AIF1L: variants seen among roughly 807,000 people sequenced by gnomAD.
AIF1L encodes allograft inflammatory factor 1-like.
AIF1L carries 12 observed loss-of-function variants against 20.7 expected under a neutral mutation model. The observed-to-expected ratio is 0.58, with a 90% CI of 0.37 to 0.94. The LOEUF (loss-of-function observed/expected upper bound fraction) is 0.94, where lower values mean the gene tolerates loss of function less well. Ranked by LOEUF, AIF1L falls within the 40% of genes least tolerant of loss-of-function variation. AIF1L has a pLI of 0.01. For synonymous variants in AIF1L, 76 were observed against 65.1 expected, an observed-to-expected ratio of 1.17 and a Z score of -0.81; for missense variants, 173 against 185.3, an observed-to-expected ratio of 0.93 and a Z score of 0.39.
intron 2 of AIF1L, among the ~76,000 whole-genome samples, chr9:131,102,381 T>C (rs1201891897): frequency 6.6e-6 from 1 of 152,204 alleles, no homozygotes; most frequent in Non-Finnish European, 1.5e-5. Context: ...TTTTTTCCTA[T>C]GTACCTGGCA....
rs559292534 is a variant in AIF1L at position 131,112,043 on chromosome 9, C to A, written c.160+380C>A. 39 of 223,286 alleles carry A rather than the reference C, an allele frequency of 1.7e-4. 1 individual carries two copies. In the South Asian group the frequency reaches 2.6e-3, roughly 15 times the overall value. 13.8% of individuals were successfully genotyped at this position (223,286 alleles called of 1,614,324 possible). On this transcript the variant is annotated intron_variant, in intron 3 of 5. Coordinates refer to ENST00000247291, the MANE Select transcript of AIF1L (RefSeq NM_031426.4). ...TTGCCTCTCCCCCTCCCCAGCAGAGCGTCTCAGGAGCCCCTGCGGAGAATG... is the reference window on the plus strand; with the variant it reads ...TTGCCTCTCCCCCTCCCCAGCAGAGAGTCTCAGGAGCCCCTGCGGAGAATG...
At position 131,102,802 on chromosome 9, in the gene AIF1L, C is replaced by A. The variant is rs1273605692; in HGVS notation, c.93+5939C>A. On this transcript the variant is annotated intron_variant, in intron 2 of 5. Transcript: ENST00000247291. ...TGGCCCTTTAAGAGCCTGTGGGCTG[C>A]GTCAGAGGTCCTACGCCCCGGCATG... 3 of 436,208 alleles carry A rather than the reference C, an allele frequency of 6.9e-6. No individual in the cohort carries two copies. The Admixed American group carries it at 7.4e-5, about 11-fold the overall frequency. 27.0% of individuals were successfully genotyped at this position (436,208 alleles called of 1,614,324 possible). A position where few individuals can be genotyped will look rare whatever the true frequency, so the allele number is the denominator to read the frequency against.
intron 3 of AIF1L, among the ~76,000 whole-genome samples, chr9:131,113,306 CGGCCAACAT>C (rs759599714): frequency 1.3e-5 from 2 of 151,552 alleles, no homozygotes; most frequent in Non-Finnish European, 2.9e-5. Flanking sequence ...AAGACCAGCC[CGGCCAACAT>C]GGCGAAACCC....
intron 2 of AIF1L, among the ~76,000 whole-genome samples, chr9:131,101,256 C>T (rs192036554): frequency 6.6e-6 from 1 of 152,294 alleles, no homozygotes; most frequent in Admixed American, 6.5e-5. Flanking sequence ...CACAGATTGA[C>T]ATTCATCATC....
Position 131,122,864 on chromosome 9 carries a change from G to A in AIF1L, c.*2542G>A, listed in dbSNP as rs961948496. The A allele has an allele frequency of 3.3e-5, 5 of 152,342 alleles. No homozygotes were observed. 9.4% of individuals were successfully genotyped at this position (152,342 alleles called of 1,614,324 possible). On this transcript the variant is annotated 3_prime_UTR_variant, in exon 6 of 6. Transcript: ENST00000247291. ...GAGTTGTCCCTGGAAGGAGGGCGGG[G>A]GCAGTCTGCATCTATTTCAGGTTGT...
At chr9:131,112,071 C>G (rs1027769257) in intron 3 of AIF1L, 13 of 182,992 alleles carry the variant, frequency 7.1e-5, no homozygotes, top group Admixed American at 6.7e-4. Context: ...GGAGAATGGA[C>G]GTTTGTGTCA....
chr9:131,120,948 G>C lies in AIF1L; in HGVS notation c.*626G>C. On this transcript the variant is annotated 3_prime_UTR_variant, in exon 6 of 6. Coordinates refer to ENST00000247291, the MANE Select transcript of AIF1L (RefSeq NM_031426.4). ...TTGGGAGCCCTTCAAGAAGGTACCA[G>C]AAGGAACCCTCCAGTCCTGCTCTCT... 10 of 515,250 alleles carry C rather than the reference G, an allele frequency of 1.9e-5. 1 individual carries two copies. The South Asian group carries it at 3.6e-4, about 18-fold the overall frequency. The allele number at this position is 515,250 out of a possible 1,614,324, so 31.9% of individuals were successfully genotyped here.
At chr9:131,112,016 C>G (rs890764858) in intron 3 of AIF1L, 7 of 268,244 alleles carry the variant, frequency 2.6e-5, no homozygotes, top group South Asian at 5.3e-5. Context: ...TGTGAGCAAG[C>G]CTTGCCTCTC....
chr9:131,109,239 G>A (rs991628396), intron 2 of AIF1L, among the ~76,000 whole-genome samples: 1 of 151,676 alleles, frequency 6.6e-6, no homozygotes, highest in Admixed American at 6.6e-5. Flanking sequence ...CAATGTCCAT[G>A]TCCAGTGAGC....
intron 5 of AIF1L, among the ~76,000 whole-genome samples, chr9:131,119,329 C>A (rs190426472): frequency 1.3e-5 from 2 of 152,004 alleles, no homozygotes; most frequent in African/African-American, 2.4e-5. Context: ...GGTGAAACCC[C>A]GTTTCTACTA....
chr9:131,116,835 C>T (rs192183702), intron 4 of AIF1L, among the ~76,000 whole-genome samples: 4 of 152,364 alleles, frequency 2.6e-5, no homozygotes, highest in East Asian at 3.9e-4. Flanking sequence ...TCTGGCAGTG[C>T]GTGTGCAGCC....
At chr9:131,102,905 G>T in intron 2 of AIF1L, 1 of 456,250 alleles carries the variant, frequency 2.2e-6, no homozygotes, top group Non-Finnish European at 4.4e-6. Flanking sequence ...GGTGATATCC[G>T]CCCACCCCAA....
rs767468057 is a variant in AIF1L at position 131,117,835 on chromosome 9, G to C, written c.282G>C (p.Glu94Asp). The change falls in exon 5 of 6, where the codon GAG becomes GAC. Residue 94 changes from glutamate (E) to aspartate (D), a missense_variant. Transcript: ENST00000247291. ...TGGAGATGAAGAAGATGATCTCAGA[G>C]GTGACAGGAGGGGTCAGTGACACTA... ...THLEMKKMISEVTGGVSDTIS... is the reference protein window; with the variant it reads ...THLEMKKMISDVTGGVSDTIS... 1.2e-6 allele frequency: 2 copies of C among 1,614,136 alleles called. No homozygotes were observed. Among genetic ancestry groups the C allele is most frequent in the Admixed American group, 1.7e-5 (1 of 60,002 alleles).
chr9:131,117,615 C>T (rs766732670), intron 4 of AIF1L, 141 bp from the exon 5 acceptor site: 7 of 792,286 alleles, frequency 8.8e-6, no homozygotes, highest in East Asian at 2.7e-5. Flanking sequence ...GCAGGGAGGG[C>T]GTGATGGGCT....
At chr9:131,117,701 C>A in intron 4 of AIF1L, 55 bp from the exon 5 acceptor site, 1 of 1,518,934 alleles carries the variant, frequency 6.6e-7, no homozygotes, top group South Asian at 1.3e-5. Context: ...CCCAGCTTCC[C>A]TGCTAAGCCC....
intron 5 of AIF1L, among the ~76,000 whole-genome samples, chr9:131,119,241 C>A (rs557916804): frequency 1.3e-5 from 2 of 152,250 alleles, no homozygotes; most frequent in Non-Finnish European, 2.9e-5. Flanking sequence ...TGGCTCACGC[C>A]TTTAATCCCA....
intron 5 of AIF1L, among the ~76,000 whole-genome samples, chr9:131,118,379 C>T (rs952495392): frequency 6.6e-6 from 1 of 152,192 alleles, no homozygotes; most frequent in East Asian, 1.9e-4. Context: ...AGGCGTGAGC[C>T]ACCACACCCG....
intron 2 of AIF1L, among the ~76,000 whole-genome samples, chr9:131,106,499 A>T (rs1830752212): frequency 6.6e-6 from 1 of 152,110 alleles, no homozygotes; most frequent in Admixed American, 6.6e-5. Flanking sequence ...CAGGGTGGAC[A>T]GGGCTGGGCA....
At chr9:131,099,300 C>T (rs916704587) in intron 2 of AIF1L, among the ~76,000 whole-genome samples, 10 of 152,176 alleles carry the variant, frequency 6.6e-5, no homozygotes, top group Middle Eastern at 3.2e-3. Context: ...GATCTCTGCC[C>T]CTCTGGAGTC....
Sources: allele counts gnomAD v4.1 joint callset (sites outside exome capture counted in the v4.1 genomes callset), GRCh38; gene constraint gnomAD v4.1.1; transcripts MANE v1.5; gene names NCBI Gene and HGNC (gene_info 2026-07-23, HGNC 2026-07-21).